The following RIT2 variants were observed in gnomAD, a reference collection of about 807,000 sequenced individuals.
RIT2 encodes the protein Ras like without CAAX 2, also known as GTP-binding protein Rit2.
A neutral mutation model predicts 23.7 loss-of-function variants in RIT2; 24 were observed. The observed-to-expected ratio is 1.01, with a 90% CI of 0.73 to 1.43. The LOEUF (loss-of-function observed/expected upper bound fraction) is 1.43. Among genes scored for constraint, RIT2 ranks in the 40% most tolerant of loss-of-function variants. The pLI is 0.00. For synonymous variants in RIT2, 107 were observed against 91.1 expected (o/e 1.17, Z -0.99); for missense variants, 236 against 266.9 (o/e 0.88, Z 0.81).
At chr18:42,813,670 G>T (rs1905913755) in intron 4 of RIT2, among the ~76,000 whole-genome samples, 1 of 152,148 alleles carries the variant, frequency 6.6e-6, no homozygotes, top group African/African-American at 2.4e-5. Flanking sequence ...ACCTTCTGGT[G>T]AAAGTTAGTA....
intron 4 of RIT2, among the ~76,000 whole-genome samples, chr18:42,848,959 T>C (rs754041157): frequency 5.9e-5 from 9 of 152,212 alleles, no homozygotes; most frequent in Non-Finnish European, 1.2e-4. Context: ...CCACTTGTAC[T>C]TATGAAACTA....
chr18:42,817,622 T>C (rs1906034783), intron 4 of RIT2, among the ~76,000 whole-genome samples: 1 of 152,098 alleles, frequency 6.6e-6, no homozygotes, highest in Non-Finnish European at 1.5e-5. Context: ...GTGTCGCTTA[T>C]CTTTAAATGG....
At chr18:42,995,223 A>G (rs568518236) in intron 2 of RIT2, among the ~76,000 whole-genome samples, 116 of 152,186 alleles carry the variant, frequency 7.6e-4, no homozygotes, top group African/African-American at 2.7e-3. Context: ...CAAAGAAATA[A>G]CTTCCCAGTG....
chr18:42,785,305 G>A (rs1240361839), intron 4 of RIT2, among the ~76,000 whole-genome samples: 1 of 152,052 alleles, frequency 6.6e-6, no homozygotes, highest in Non-Finnish European at 1.5e-5. Context: ...CATTCGCTCT[G>A]TAGGAATAGC....
intron 4 of RIT2, among the ~76,000 whole-genome samples, chr18:42,752,435 T>G (rs943058954): frequency 6.6e-6 from 1 of 152,150 alleles, no homozygotes; most frequent in Non-Finnish European, 1.5e-5. Flanking sequence ...ATTTTCTTAT[T>G]TTTCAAATGA....
chr18:42,818,292 G>A (rs776753287), intron 4 of RIT2, among the ~76,000 whole-genome samples: 3 of 152,044 alleles, frequency 2.0e-5, no homozygotes, highest in Admixed American at 1.3e-4. Context: ...GATCTGTAAA[G>A]AACTTCATAA....
intron 2 of RIT2, among the ~76,000 whole-genome samples, chr18:43,010,322 G>C (rs1465782112): frequency 6.6e-6 from 1 of 151,770 alleles, no homozygotes; most frequent in East Asian, 1.9e-4. Context: ...AGAAACTGAA[G>C]ACTTAGGTTA....
chr18:42,917,233 C>G (rs1908933788), intron 4 of RIT2, among the ~76,000 whole-genome samples: 1 of 152,054 alleles, frequency 6.6e-6, no homozygotes. Context: ...ATCTGAGTAA[C>G]AATTCAAACC....
intron 4 of RIT2, among the ~76,000 whole-genome samples, chr18:42,870,470 T>A (rs1907593088): frequency 6.6e-6 from 1 of 152,094 alleles, no homozygotes; most frequent in African/African-American, 2.4e-5. Context: ...CGCCTCAGCC[T>A]CTCAAAGTGC....
At chr18:42,787,523 CTA>C (rs1913950574) in intron 4 of RIT2, among the ~76,000 whole-genome samples, 1 of 152,142 alleles carries the variant, frequency 6.6e-6, no homozygotes, top group Non-Finnish European at 1.5e-5. Context: ...GAAGCTCAAG[CTA>C]TGTTTTCCAA....
chr18:43,064,186 A>G, intron 1 of RIT2, among the ~76,000 whole-genome samples: 1 of 152,184 alleles, frequency 6.6e-6, no homozygotes, highest in Non-Finnish European at 1.5e-5. Context: ...GATTTGTTGA[A>G]GGAAAGTAAA....
chr18:43,009,363 C>T (rs551356951), intron 2 of RIT2, among the ~76,000 whole-genome samples: 1 of 151,710 alleles, frequency 6.6e-6, no homozygotes, highest in South Asian at 2.1e-4. Context: ...AATAAAATGA[C>T]CTGAATGTAA....
At chr18:42,753,275 A>C (rs1913088879) in intron 4 of RIT2, among the ~76,000 whole-genome samples, 1 of 152,238 alleles carries the variant, frequency 6.6e-6, no homozygotes, top group Admixed American at 6.5e-5. Context: ...TGGTAAAAAT[A>C]AAATACAATA....
In RIT2 at chr18:43,040,581, G is replaced by A. The variant is rs1912104340; in HGVS notation, c.104-6714C>T. ...GAAGTAAGAGAATTCAGAGAATTGT[G>A]TGACAGAATGTTAAGTAAAAAAAGT... On this transcript the variant is annotated intron_variant, in intron 1 of 4. Transcript: ENST00000326695. Among the ~76,000 whole-genome samples the A allele has an allele frequency of 2.0e-5, 3 of 152,120 alleles. No homozygotes were observed. In the South Asian group the frequency reaches 6.2e-4, roughly 32 times the overall value.
At chr18:42,944,108 C>T (rs1012649389) in intron 3 of RIT2, among the ~76,000 whole-genome samples, 1 of 152,096 alleles carries the variant, frequency 6.6e-6, no homozygotes, top group South Asian at 2.1e-4. Flanking sequence ...TAGCTAATGG[C>T]TCCCATGTCC....
intron 1 of RIT2, among the ~76,000 whole-genome samples, chr18:43,063,457 T>C (rs1912699262): frequency 6.6e-6 from 1 of 152,128 alleles, no homozygotes; most frequent in Non-Finnish European, 1.5e-5. Flanking sequence ...AGAACTTATT[T>C]TGGGACATTG....
At chr18:42,910,588 T>C (rs147382683) in intron 4 of RIT2, among the ~76,000 whole-genome samples, 4 of 151,672 alleles carry the variant, frequency 2.6e-5, no homozygotes, top group African/African-American at 7.3e-5. Context: ...AACAGAAGAG[T>C]GGCAAAGCGG....
chr18:42,911,064 A>G (rs572389362), intron 4 of RIT2, among the ~76,000 whole-genome samples: 1 of 152,234 alleles, frequency 6.6e-6, no homozygotes, highest in South Asian at 2.1e-4. Flanking sequence ...AACAAATAAA[A>G]AAAAATCACA....
intron 2 of RIT2, among the ~76,000 whole-genome samples, chr18:43,031,323 T>G (rs1348092937): frequency 1.3e-5 from 2 of 151,278 alleles, no homozygotes; most frequent in Admixed American, 6.6e-5. Flanking sequence ...CAAAATGAAG[T>G]CACTCACACT....
Sources: gnomAD v4.1 joint callset for allele counts (sites outside exome capture counted in the v4.1 genomes callset) on GRCh38, gnomAD v4.1.1 for gene constraint, MANE v1.5 for transcripts, NCBI Gene and HGNC (gene_info 2026-07-23, HGNC 2026-07-21) for gene names.